IQUB: variants seen among roughly 807,000 people sequenced by gnomAD.
The protein encoded by IQUB is IQ motif and ubiquitin domain containing.
In IQUB, 86 loss-of-function variants were observed where a neutral mutation model predicts 86.4. That is an observed-to-expected ratio of 1.00 (90% confidence interval 0.84 to 1.19). The LOEUF (loss-of-function observed/expected upper bound fraction) is 1.19, where lower values mean the gene tolerates loss of function less well. Ranked by LOEUF, IQUB falls within the 50% of genes most tolerant of loss-of-function variation. IQUB has a pLI of 0.00. For missense variants in IQUB, 946 were observed against 916.9 expected, an observed-to-expected ratio of 1.03 and a Z score of -0.41; for synonymous variants, 289 against 304.5, an observed-to-expected ratio of 0.95 and a Z score of 0.53.
intron 1 of IQUB, among the ~76,000 whole-genome samples, chr7:123,526,221 C>T (rs1797200587): frequency 6.6e-6 from 1 of 152,104 alleles, no homozygotes; most frequent in Non-Finnish European, 1.5e-5. Context: ...ATTAAGTCCA[C>T]TTGGTGCAGA....
intron 2 of IQUB, among the ~76,000 whole-genome samples, chr7:123,510,834 G>GA (rs1369825915): frequency 5.0e-5 from 7 of 139,148 alleles, no homozygotes; most frequent in African/African-American, 1.8e-4. Flanking sequence ...TTCTCAGATG[G>GA]CAAATATAAG....
rs747995908 is a variant in IQUB, at chr7:123,469,193, A to G, written c.1581+21T>C. 12 of 1,444,352 alleles carry G rather than the reference A, an allele frequency of 8.3e-6. No homozygotes were observed. In the South Asian group the frequency reaches 1.8e-4, roughly 22 times the overall value. The allele number at this position is 1,444,352 out of a possible 1,614,324, so 89.5% of individuals were successfully genotyped here. A position where few individuals can be genotyped will look rare whatever the true frequency, so the allele number is the denominator to read the frequency against. ...TATTGACAGTGAACTCTACCCCCAAACTAAGAGAAAGTTAACATACCTTTA... is the reference window on the plus strand; with the variant it reads ...TATTGACAGTGAACTCTACCCCCAAGCTAAGAGAAAGTTAACATACCTTTA... On this transcript the variant is annotated intron_variant, in intron 9 of 12. Transcript: ENST00000324698.
At chr7:123,471,925 C>A (rs1794539400) in intron 8 of IQUB, among the ~76,000 whole-genome samples, 1 of 152,140 alleles carries the variant, frequency 6.6e-6, no homozygotes, top group African/African-American at 2.4e-5. Flanking sequence ...AACTCCATTT[C>A]TCCCAAAAGA....
At chr7:123,468,544 G>A (rs1329108610) in intron 9 of IQUB, among the ~76,000 whole-genome samples, 12 of 41,678 alleles carry the variant, frequency 2.9e-4, no homozygotes, top group Non-Finnish European at 4.9e-4. Context: ...CATCCAATAC[G>A]TGGTCAAAAT....
intron 1 of IQUB, among the ~76,000 whole-genome samples, chr7:123,522,684 TTTATAAAG>T (rs1426890404): frequency 6.6e-6 from 1 of 152,206 alleles, no homozygotes; most frequent in African/African-American, 2.4e-5. Context: ...AATTACTCGT[TTTATAAAG>T]TAGGAGAAAA....
At chr7:123,501,514 G>A (rs978036664) in intron 6 of IQUB, 1 of 152,216 alleles carries the variant, frequency 6.6e-6, no homozygotes, top group South Asian at 2.1e-4. Context: ...GAGAAACTTC[G>A]TTCTCTAAAT....
intron 7 of IQUB, among the ~76,000 whole-genome samples, chr7:123,483,985 C>T (rs956021): frequency 0.36 from 53,971 of 151,876 alleles, 9,690 homozygotes; most frequent in African/African-American, 0.36. Context: ...TCTGAGGCCA[C>T]AAGTATTGTA....
chr7:123,504,252 C>T (rs1379997755), intron 3 of IQUB, among the ~76,000 whole-genome samples: 1 of 152,036 alleles, frequency 6.6e-6, no homozygotes, highest in Non-Finnish European at 1.5e-5. Context: ...AGTTCATGAC[C>T]AGCCTGTCCA....
chr7:123,465,022 C>T lies in IQUB; in HGVS notation c.1582-13G>A, dbSNP rs754153778. 4.0e-6 allele frequency: 6 copies of T among 1,488,658 alleles called. No homozygotes were observed. Among genetic ancestry groups the T allele is most frequent in the South Asian group, 2.5e-5 (2 of 79,380 alleles). The allele number at this position is 1,488,658 out of a possible 1,614,324, so 92.2% of individuals were successfully genotyped here. A position where few individuals can be genotyped will look rare whatever the true frequency, so the allele number is the denominator to read the frequency against. The stretch of plus-strand genomic sequence containing the variant: ...TACATTCATGTTCCTATATAAAACA[C>T]AAAAATATATGGTATAAAATTTTAC... On this transcript the variant is annotated splice_polypyrimidine_tract_variant and intron_variant, in intron 9 of 12. Coordinates refer to ENST00000324698, the MANE Select transcript of IQUB (RefSeq NM_178827.5).
chr7:123,488,697 C>T (rs928917862), intron 7 of IQUB, among the ~76,000 whole-genome samples: 3 of 152,164 alleles, frequency 2.0e-5, no homozygotes, highest in South Asian at 2.1e-4. Flanking sequence ...CAGTATGAGG[C>T]CTGTTTGGGG....
intron 1 of IQUB, among the ~76,000 whole-genome samples, chr7:123,524,078 C>G (rs1006578430): frequency 6.8e-6 from 1 of 146,588 alleles, no homozygotes; most frequent in South Asian, 2.2e-4. Context: ...TGTTTTGGTA[C>G]CAGTACCATG....
At chr7:123,493,833 T>C (rs1233686309) in intron 7 of IQUB, among the ~76,000 whole-genome samples, 1 of 147,856 alleles carries the variant, frequency 6.8e-6, no homozygotes, top group East Asian at 2.0e-4. Context: ...TTTTGGTGAA[T>C]ATATATACAT....
At chr7:123,503,438 T>C in intron 3 of IQUB, 75 bp from the exon 4 acceptor site, 1 of 796,774 alleles carries the variant, frequency 1.3e-6, no homozygotes, top group Non-Finnish European at 2.0e-6. Context: ...TTTTTGTTTT[T>C]AATTGACAAA....
At chr7:123,512,516 A>G (rs531123976) in intron 1 of IQUB, among the ~76,000 whole-genome samples, 172 bp from the exon 2 acceptor site, 1 of 152,340 alleles carries the variant, frequency 6.6e-6, no homozygotes, top group East Asian at 1.9e-4. Flanking sequence ...ACCTCAAAAC[A>G]ATAAATTTGA....
chr7:123,514,080 A>T (rs904026548), intron 1 of IQUB, among the ~76,000 whole-genome samples: 2 of 152,268 alleles, frequency 1.3e-5, no homozygotes, highest in Non-Finnish European at 2.9e-5. Flanking sequence ...ATAGTCATAT[A>T]CATTGTAATG....
intron 3 of IQUB, among the ~76,000 whole-genome samples, chr7:123,504,343 G>A (rs1331769939): frequency 2.6e-5 from 4 of 152,066 alleles, no homozygotes; most frequent in African/African-American, 4.8e-5. Flanking sequence ...CCAGCTACTC[G>A]GGAGGCTGAG....
At chr7:123,482,033 C>T (rs1795030736) in intron 7 of IQUB, among the ~76,000 whole-genome samples, 1 of 151,052 alleles carries the variant, frequency 6.6e-6, no homozygotes, top group South Asian at 2.1e-4. Context: ...CAGATATGAA[C>T]AAAAAAGAAA....
intron 3 of IQUB, among the ~76,000 whole-genome samples, chr7:123,503,679 T>C (rs1796050254): frequency 6.6e-6 from 1 of 151,812 alleles, no homozygotes; most frequent in Non-Finnish European, 1.5e-5. Flanking sequence ...AGATGGAAAA[T>C]ATCAAAGGTG....
rs148116720 is a variant in IQUB at position 123,481,006 on chromosome 7, G to A, written c.1235-1036C>T. Among the ~76,000 whole-genome samples the A allele has an allele frequency of 3.4e-3, 513 of 152,050 alleles. 3 individuals carry two copies. The highest frequency in any genetic ancestry group is 0.012 in the African/African-American group (482 of 41,492). ...TAAATTTGGAAAAGAAAACTCTTTT[G>A]TATCCCACATTTCAAAAATGTCAAC... On this transcript the variant is annotated intron_variant, in intron 7 of 12. Transcript: ENST00000324698.
Sources: gnomAD v4.1 joint callset for allele counts (sites outside exome capture counted in the v4.1 genomes callset) on GRCh38, gnomAD v4.1.1 for gene constraint, MANE v1.5 for transcripts, NCBI Gene and HGNC (gene_info 2026-07-23, HGNC 2026-07-21) for gene names.